Variants in POTEG observed in about 807,000 individuals in gnomAD.
POTEG encodes the protein POTE ankyrin domain family member G.
POTEG carries 2 observed loss-of-function variants against 49.6 expected under a neutral mutation model. The observed-to-expected ratio is 0.04, with a 90% CI of 0.02 to 0.13. The LOEUF is 0.13. Ranked by LOEUF, POTEG falls within the 10% of genes least tolerant of loss-of-function variation. POTEG has a pLI of 1.00. For missense variants in POTEG, 26 were observed against 545.2 expected (o/e 0.05, Z 9.48); for synonymous variants, 7 against 186.6 (o/e 0.04, Z 7.84).
chr14:19,415,862 T>C (rs1324830390), intron 7 of POTEG, among the ~76,000 whole-genome samples: 2 of 77,740 alleles, frequency 2.6e-5, no homozygotes, highest in Non-Finnish European at 5.6e-5. Flanking sequence ...TTTTTTTTTT[T>C]TGACACAGAG....
chr14:19,415,436 G>A (rs1378559104), intron 7 of POTEG, among the ~76,000 whole-genome samples: 1 of 145,930 alleles, frequency 6.9e-6, no homozygotes, highest in Non-Finnish European at 1.5e-5. Flanking sequence ...CTTAGTATCA[G>A]TGACTGACAA....
At chr14:19,415,008 TG>T (rs1239549596) in intron 7 of POTEG, among the ~76,000 whole-genome samples, 1 of 144,150 alleles carries the variant, frequency 6.9e-6, no homozygotes, top group Admixed American at 6.9e-5. Flanking sequence ...GTTTACCTCA[TG>T]AAACCCTAAC....
chr14:19,433,362 T>A (rs1179125985), intron 1 of POTEG, among the ~76,000 whole-genome samples: 1 of 108,308 alleles, frequency 9.2e-6, no homozygotes, highest in Non-Finnish European at 1.9e-5. Context: ...TGATATAAAA[T>A]CCATACTGGA....
intron 6 of POTEG, among the ~76,000 whole-genome samples, chr14:19,418,923 T>TAA (rs371094526): frequency 9.3e-5 from 4 of 43,164 alleles, no homozygotes; most frequent in African/African-American, 3.9e-4. Flanking sequence ...TGGCTTTTAT[T>TAA]AAAAAAAAAA....
chr14:19,414,505 T>A (rs1883469810), intron 8 of POTEG, 57 bp downstream of exon 8: 1 of 1,583,224 alleles, frequency 6.3e-7, no homozygotes, highest in East Asian at 2.3e-5. Context: ...TACACTTTGT[T>A]AAACAACATA....
intron 7 of POTEG, among the ~76,000 whole-genome samples, chr14:19,415,579 T>A (rs1420022536): frequency 1.3e-5 from 2 of 149,566 alleles, no homozygotes; most frequent in Non-Finnish European, 3.0e-5. Flanking sequence ...TGTTACATTC[T>A]TCATCATGTT....
At chr14:19,420,952 AAT>A (rs1883738358) in intron 6 of POTEG, 1 of 137,174 alleles carries the variant, frequency 7.3e-6, no homozygotes, top group Admixed American at 7.8e-5. Context: ...TGAAGTCAGT[AAT>A]AGTGAGACCT....
At chr14:19,415,902 G>C (rs1883544651) in intron 7 of POTEG, among the ~76,000 whole-genome samples, 1 of 130,558 alleles carries the variant, frequency 7.7e-6, no homozygotes. Context: ...CTGGAGTGTA[G>C]TGGCAGATCT....
chr14:19,432,366 G>GTGTGTGTATATATATA (rs1555310346), intron 1 of POTEG, among the ~76,000 whole-genome samples: 2 of 37,874 alleles, frequency 5.3e-5, no homozygotes, highest in African/African-American at 2.4e-4. Context: ...AAGAAATTTT[G>GTGTGTGTATATATATA]TATATATATA....
rs560156042 is a variant in POTEG at position 19,426,339 on chromosome 14, G to T, written c.811-627C>A. Among the ~76,000 whole-genome samples the T allele has an allele frequency of 5.5e-5, 8 of 144,264 alleles. No individual in the cohort carries two copies. In the East Asian group the frequency reaches 1.6e-3, roughly 29 times the overall value. 94.6% of individuals were successfully genotyped at this position (144,264 alleles called of 152,430 possible). ...CTATCTGTATTCTTAATAACTCCAT[G>T]GTTTTAAGTGTGTAAAACTGCCATG... On this transcript the variant is annotated intron_variant, in intron 3 of 10. Transcript: ENST00000547848.
chr14:19,416,087 G>A (rs1357607882), intron 7 of POTEG, among the ~76,000 whole-genome samples: 5 of 146,560 alleles, frequency 3.4e-5, no homozygotes, highest in South Asian at 2.2e-4. Flanking sequence ...CTCATGATCC[G>A]CCCACCTCAG....
intron 7 of POTEG, among the ~76,000 whole-genome samples, 156 bp downstream of exon 7, chr14:19,416,132 C>G (rs1326941470): frequency 1.5e-5 from 2 of 133,176 alleles, no homozygotes; most frequent in African/African-American, 5.9e-5. Context: ...GCATGAGCCA[C>G]CCCCCCAGCC....
intron 7 of POTEG, among the ~76,000 whole-genome samples, 168 bp downstream of exon 7, chr14:19,416,120 A>G (rs1242371763): frequency 6.8e-6 from 1 of 147,732 alleles, no homozygotes; most frequent in Non-Finnish European, 1.5e-5. Context: ...CTGAGATTAC[A>G]GGCATGAGCC....
intron 1 of POTEG, among the ~76,000 whole-genome samples, chr14:19,431,553 TATTC>T (rs1306992559): frequency 5.0e-5 from 7 of 139,184 alleles, no homozygotes; most frequent in African/African-American, 1.9e-4. Context: ...GTACCACTGT[TATTC>T]ATCCTCACAA....
At chr14:19,433,574 G>C (rs1175738437) in intron 1 of POTEG, among the ~76,000 whole-genome samples, 195 bp downstream of exon 1, 230 of 131,674 alleles carry the variant, frequency 1.7e-3, no homozygotes, top group African/African-American at 6.6e-3. Flanking sequence ...AATTTGATTG[G>C]AAATCAGCTA....
intron 6 of POTEG, among the ~76,000 whole-genome samples, chr14:19,419,011 AAAAAAC>A (rs375360954): frequency 2.7e-4 from 32 of 117,464 alleles, no homozygotes; most frequent in Non-Finnish European, 3.7e-4. Context: ...CCAAAAAAAA[AAAAAAC>A]AAAAACAAAG....
intron 8 of POTEG, among the ~76,000 whole-genome samples, chr14:19,413,790 T>TC (rs1432919511): frequency 2.6e-5 from 2 of 77,834 alleles, no homozygotes; most frequent in Non-Finnish European, 4.9e-5. Context: ...AAAAGGGCCC[T>TC]CCTTTATTTT....
intron 6 of POTEG, among the ~76,000 whole-genome samples, chr14:19,418,411 T>TTCCCTAAGAACAACTCCCTAAGTTG (rs1883638933): frequency 1.9e-4 from 5 of 25,984 alleles, no homozygotes; most frequent in African/African-American, 3.4e-4. Flanking sequence ...GAGAGTATCA[T>TTCCCTAAGAACAACTCCCTAAGTTG]TCCCTAAGAG....
intron 6 of POTEG, among the ~76,000 whole-genome samples, chr14:19,418,814 C>A (rs1449207923): frequency 3.5e-5 from 1 of 28,976 alleles, no homozygotes; most frequent in Non-Finnish European, 5.5e-5. Context: ...GTCCCCCAAG[C>A]CTTTCTCATT....
Sources: allele counts gnomAD v4.1 joint callset (sites outside exome capture counted in the v4.1 genomes callset), GRCh38; gene constraint gnomAD v4.1.1; transcripts MANE v1.5; gene names NCBI Gene and HGNC (gene_info 2026-07-23, HGNC 2026-07-21).